NAV2: variants seen among roughly 807,000 people sequenced by gnomAD.
NAV2 encodes helicase, APC down-regulated 1.
A neutral mutation model predicts 223.2 loss-of-function variants in NAV2; 54 were observed. The observed-to-expected ratio is 0.24, with a 90% CI of 0.19 to 0.30. The LOEUF is 0.30. Ranked by LOEUF, NAV2 falls within the 10% of genes least tolerant of loss-of-function variation. The probability of loss-of-function intolerance (pLI) is 1.00; values close to 1 mark genes in which losing one functional copy is unlikely to be tolerated. For synonymous variants in NAV2, 1,279 were observed against 1,239.3 expected, an observed-to-expected ratio of 1.03 and a Z score of -0.67; for missense variants, 2,806 against 3,147.5, an observed-to-expected ratio of 0.89 and a Z score of 2.60.
chr11:20,026,100 G>T (rs2055038961), intron 11 of NAV2, among the ~76,000 whole-genome samples: 1 of 152,104 alleles, frequency 6.6e-6, no homozygotes, highest in South Asian at 2.1e-4. Context: ...TTTTTCTGCA[G>T]AGCTGTGGTC....
chr11:19,776,686 G>A (rs1195338630), intron 1 of NAV2, among the ~76,000 whole-genome samples: 1 of 141,870 alleles, frequency 7.0e-6, no homozygotes, highest in Non-Finnish European at 1.5e-5. Context: ...GGTTAGAGTT[G>A]TGGGGGTCAG....
intron 1 of NAV2, among the ~76,000 whole-genome samples, chr11:19,565,435 G>A (rs1490649043): frequency 6.6e-6 from 1 of 152,162 alleles, no homozygotes; most frequent in Non-Finnish European, 1.5e-5. Context: ...CTTCGGTAGT[G>A]GCTTGATCAC....
intron 1 of NAV2, among the ~76,000 whole-genome samples, chr11:19,766,933 A>T (rs1053346077): frequency 2.6e-5 from 4 of 152,176 alleles, no homozygotes; most frequent in Non-Finnish European, 1.5e-5. Context: ...GCAGGGGATG[A>T]TCCTGTGGAA....
In NAV2 at chr11:19,629,161, G is replaced by A. The variant is rs539117448; in HGVS notation, c.76-203323G>A. Among the ~76,000 whole-genome samples, 46 of 151,938 alleles carry A rather than the reference G, an allele frequency of 3.0e-4. No individual in the cohort carries two copies. In the East Asian group the frequency reaches 3.9e-3, roughly 13 times the overall value. ...TCAGTGTCTCCATCCTCATTTCCTC[G>A]TCACATCTCTCTCTCCCACCATTTC... On this transcript the variant is annotated intron_variant, in intron 1 of 37. Coordinates refer to the NAV2 transcript ENST00000360655.
intron 1 of NAV2, among the ~76,000 whole-genome samples, chr11:19,612,366 A>C (rs573561412): frequency 6.6e-6 from 1 of 152,348 alleles, no homozygotes; most frequent in African/African-American, 2.4e-5. Context: ...TTCTGCAGCC[A>C]GCTTGAATCT....
intron 1 of NAV2, among the ~76,000 whole-genome samples, chr11:19,750,052 A>T (rs901948656): frequency 1.3e-5 from 2 of 152,206 alleles, no homozygotes; most frequent in African/African-American, 4.8e-5. Context: ...CAGCTTTGCA[A>T]AGTCAGTTCT....
chr11:19,925,949 T>C (rs1320003481), intron 6 of NAV2, among the ~76,000 whole-genome samples: 1 of 152,184 alleles, frequency 6.6e-6, no homozygotes, highest in Non-Finnish European at 1.5e-5. Flanking sequence ...TCTGTCTTTA[T>C]GATAGTACCA....
Position 19,842,904 on chromosome 11 carries a change from C to T in NAV2, c.419C>T (p.Pro140Leu), listed in dbSNP as rs768330163. 4 of 1,613,818 alleles carry T rather than the reference C, an allele frequency of 2.5e-6. No homozygotes were observed. Among genetic ancestry groups the T allele is most frequent in the South Asian group, 2.2e-5 (2 of 91,014 alleles). The change falls in exon 3 of 38, where the codon CCG (proline) becomes CTG (leucine). Residue 140 changes from proline to leucine, a missense_variant. Coordinates refer to ENST00000349880, the MANE Select transcript of NAV2 (RefSeq NM_145117.5). The stretch of plus-strand genomic sequence containing the variant: ...AAGATTGAAGACATCAATGGCTGTC[C>T]GAAGAACAGATCCCAAATGGTAAGT... ...NEKIEDINGC[P>L]KNRSQMIENI...
intron 1 of NAV2, among the ~76,000 whole-genome samples, chr11:19,603,323 A>G (rs2046396877): frequency 6.6e-6 from 1 of 152,122 alleles, no homozygotes; most frequent in Non-Finnish European, 1.5e-5. Flanking sequence ...ATGTTTCTAG[A>G]GACTAGAAAT....
chr11:19,469,252 C>T (rs1273360190), intron 1 of NAV2, among the ~76,000 whole-genome samples: 1 of 152,176 alleles, frequency 6.6e-6, no homozygotes, highest in African/African-American at 2.4e-5. Context: ...GAATGAAAGT[C>T]ATGAATGAGC....
chr11:19,428,217 A>G (rs1850910117), intron 1 of NAV2, among the ~76,000 whole-genome samples: 1 of 152,188 alleles, frequency 6.6e-6, no homozygotes, highest in African/African-American at 2.4e-5. Context: ...AATTTTTAAT[A>G]TTGGCAACGA....
chr11:19,770,660 T>TA (rs973792683), intron 1 of NAV2, among the ~76,000 whole-genome samples: 7 of 152,296 alleles, frequency 4.6e-5, no homozygotes, highest in Non-Finnish European at 8.8e-5. Flanking sequence ...CTTGAATAAG[T>TA]AAAAAACCAC....
At chr11:19,630,085 G>A (rs2047301938) in intron 1 of NAV2, among the ~76,000 whole-genome samples, 1 of 150,404 alleles carries the variant, frequency 6.6e-6, no homozygotes, top group South Asian at 2.1e-4. Context: ...GTGAACTTCT[G>A]GGGAATGCGA....
intron 1 of NAV2, among the ~76,000 whole-genome samples, chr11:19,390,785 CA>C (rs1315873150): frequency 1.3e-5 from 2 of 152,096 alleles, no homozygotes; most frequent in African/African-American, 4.8e-5. Flanking sequence ...GCTGGAAGAT[CA>C]GGGGAAGAAG....
intron 4 of NAV2, among the ~76,000 whole-genome samples, chr11:19,870,708 T>C (rs1255761760): frequency 1.3e-5 from 2 of 152,218 alleles, no homozygotes; most frequent in African/African-American, 4.8e-5. Flanking sequence ...TTCTCACAAC[T>C]AAAGTTGGAG....
intron 11 of NAV2, among the ~76,000 whole-genome samples, chr11:20,002,139 AG>A (rs2052612560): frequency 6.6e-6 from 1 of 152,206 alleles, no homozygotes; most frequent in Non-Finnish European, 1.5e-5. Context: ...CCTTTTTATT[AG>A]GCACTAACTT....
chr11:19,712,267 T>C (rs1418062794), upstream of NAV2: 3 of 152,288 alleles, frequency 2.0e-5, no homozygotes, highest in Non-Finnish European at 4.4e-5. Context: ...TCCCTGCGTA[T>C]TGTATTTGCC....
chr11:19,658,636 A>G (rs1177190388), intron 1 of NAV2, among the ~76,000 whole-genome samples: 1 of 152,166 alleles, frequency 6.6e-6, no homozygotes, highest in Non-Finnish European at 1.5e-5. Context: ...TTGGCTCTAG[A>G]TCTGGGTGAG....
At chr11:20,005,253 A>ATATATATT (rs1277010848) in intron 11 of NAV2, among the ~76,000 whole-genome samples, 8 of 134,546 alleles carry the variant, frequency 5.9e-5, no homozygotes, top group African/African-American at 2.2e-4. Context: ...ATATATATAT[A>ATATATATT]TTTTTTTTTT....
Sources: gnomAD v4.1 joint callset for allele counts (sites outside exome capture counted in the v4.1 genomes callset) on GRCh38, gnomAD v4.1.1 for gene constraint, MANE v1.5 for transcripts, NCBI Gene and HGNC (gene_info 2026-07-23, HGNC 2026-07-21) for gene names.